The following MAN1C1 variants were observed in gnomAD, a reference collection of about 807,000 sequenced individuals.
MAN1C1 encodes mannosidase alpha class 1C member 1.
In MAN1C1, 49 loss-of-function variants were observed where a neutral mutation model predicts 71.5. That is an observed-to-expected ratio of 0.69 (90% confidence interval 0.54 to 0.87). The LOEUF is 0.87. MAN1C1 is among the 40% of genes least tolerant of loss of function. The pLI, the probability that MAN1C1 is intolerant of heterozygous loss-of-function variation, is 0.00. For missense variants in MAN1C1, 743 were observed against 835.0 expected, an observed-to-expected ratio of 0.89 and a Z score of 1.36; for synonymous variants, 352 against 343.7, an observed-to-expected ratio of 1.02 and a Z score of -0.27.
intron 1 of MAN1C1, among the ~76,000 whole-genome samples, chr1:25,629,933 C>T (rs999145437): frequency 3.3e-5 from 5 of 151,962 alleles, no homozygotes; most frequent in Admixed American, 1.3e-4. Context: ...TTATTGCATT[C>T]GCTTTTGGGG....
At chr1:25,702,920 A>G (rs1046041012) in intron 2 of MAN1C1, among the ~76,000 whole-genome samples, 1 of 152,074 alleles carries the variant, frequency 6.6e-6, no homozygotes, top group African/African-American at 2.4e-5. Flanking sequence ...CTTCCCTGGG[A>G]CTCAGACTCT....
chr1:25,701,683 A>G (rs1421608808), intron 2 of MAN1C1, among the ~76,000 whole-genome samples: 1 of 152,212 alleles, frequency 6.6e-6, no homozygotes, highest in African/African-American at 2.4e-5. Context: ...TGTGTGTGCC[A>G]TTGATTCAAA....
At chr1:25,729,342 C>A (rs1400545461) in intron 2 of MAN1C1, among the ~76,000 whole-genome samples, 1 of 152,232 alleles carries the variant, frequency 6.6e-6, no homozygotes, top group Non-Finnish European at 1.5e-5. Flanking sequence ...CATGAGGCTT[C>A]CTGAGCAGAG....
At chr1:25,663,208 AAAAT>A (rs200892680) in intron 1 of MAN1C1, among the ~76,000 whole-genome samples, 21 of 148,756 alleles carry the variant, frequency 1.4e-4, no homozygotes, top group South Asian at 2.1e-4. Flanking sequence ...ACGTATATTT[AAAAT>A]AAATAAATAA....
intron 3 of MAN1C1, among the ~76,000 whole-genome samples, chr1:25,748,160 G>A (rs1447307398): frequency 1.3e-5 from 2 of 152,150 alleles, no homozygotes; most frequent in Non-Finnish European, 2.9e-5. Flanking sequence ...AGGAGCTGGG[G>A]GACACTCAGG....
At chr1:25,694,796 A>T (rs942195279) in intron 2 of MAN1C1, among the ~76,000 whole-genome samples, 2 of 152,196 alleles carry the variant, frequency 1.3e-5, no homozygotes, top group African/African-American at 2.4e-5. Flanking sequence ...CTTCCCTAGT[A>T]CGTGGATCTC....
At chr1:25,717,528 CAG>C (rs1244600387) in intron 2 of MAN1C1, among the ~76,000 whole-genome samples, 3 of 151,260 alleles carry the variant, frequency 2.0e-5, no homozygotes, top group African/African-American at 7.3e-5. Context: ...GTTTCAAAAA[CAG>C]AGAATTTGCC....
intron 4 of MAN1C1, among the ~76,000 whole-genome samples, chr1:25,752,748 G>C (rs984286140): frequency 1.3e-5 from 2 of 152,240 alleles, no homozygotes; most frequent in Non-Finnish European, 2.9e-5. Context: ...GTGAGGCCTG[G>C]GACCTCGCTG....
intron 1 of MAN1C1, among the ~76,000 whole-genome samples, chr1:25,677,516 A>G (rs2046086289): frequency 6.6e-6 from 1 of 151,972 alleles, no homozygotes; most frequent in Non-Finnish European, 1.5e-5. Flanking sequence ...CATAGTTCTC[A>G]TGTTGATTGG....
chr1:25,659,754 T>G (rs2045820084), intron 1 of MAN1C1, among the ~76,000 whole-genome samples: 1 of 152,162 alleles, frequency 6.6e-6, no homozygotes, highest in African/African-American at 2.4e-5. Context: ...TTTTCAGAAA[T>G]GTTGTGTGCC....
At chr1:25,729,312 T>C (rs2046877213) in intron 2 of MAN1C1, among the ~76,000 whole-genome samples, 1 of 152,204 alleles carries the variant, frequency 6.6e-6, no homozygotes, top group African/African-American at 2.4e-5. Context: ...CTGCTCATCC[T>C]TCCCGATCCA....
chr1:25,747,874 G>C (rs943441077), intron 3 of MAN1C1, among the ~76,000 whole-genome samples: 2 of 152,222 alleles, frequency 1.3e-5, no homozygotes, highest in African/African-American at 2.4e-5. Context: ...ATACAGTGGA[G>C]AGTTGTAACC....
At chr1:25,754,471 G>A (rs542782541) in intron 5 of MAN1C1, among the ~76,000 whole-genome samples, 3 of 152,004 alleles carry the variant, frequency 2.0e-5, no homozygotes, top group East Asian at 3.9e-4. Flanking sequence ...TTCGTCAACT[G>A]TCCTCCCCTG....
rs2047516689 is a variant in MAN1C1 at position 25,769,456 on chromosome 1, GC to G, written c.1142-2197del. 6.6e-6 allele frequency among the ~76,000 whole-genome samples: 1 copy of G among 152,040 alleles called. No individual in the cohort carries two copies. The highest frequency in any genetic ancestry group is 6.5e-5 in the Admixed American group (1 of 15,272). On this transcript the variant is annotated intron_variant, in intron 7 of 11. Transcript: ENST00000374332. The surrounding 1 kb of genome is among the most constrained non-coding windows in gnomAD (Gnocchi z 4.8). ...TCACATGTGAGATGCCCACATAAGT[GC>G]CCCTGAGAGGCAGCTGCATCTCAAC... is the stretch of plus-strand genomic sequence containing the variant.
At chr1:25,643,421 A>ATTTTTTTTTTTT (rs11326338) in intron 1 of MAN1C1, among the ~76,000 whole-genome samples, 2 of 115,456 alleles carry the variant, frequency 1.7e-5, no homozygotes. Context: ...CGCCTGGCTA[A>ATTTTTTTTTTTT]TTTTTTTTTT....
At chr1:25,742,085 G>T (rs2047070188) in intron 2 of MAN1C1, among the ~76,000 whole-genome samples, 1 of 152,216 alleles carries the variant, frequency 6.6e-6, no homozygotes, top group Non-Finnish European at 1.5e-5. Flanking sequence ...GCAAGAAGAG[G>T]TTAGCTAGTG....
At chr1:25,684,046 T>A (rs756319662) in intron 1 of MAN1C1, among the ~76,000 whole-genome samples, 31 of 152,144 alleles carry the variant, frequency 2.0e-4, no homozygotes, top group Middle Eastern at 3.2e-3. Context: ...TACCTATGAT[T>A]CTCGTAGTTA....
chr1:25,748,709 T>A (rs900726080), intron 3 of MAN1C1, among the ~76,000 whole-genome samples: 19 of 152,236 alleles, frequency 1.2e-4, no homozygotes, highest in African/African-American at 4.6e-4. Flanking sequence ...AGTGTGGGCA[T>A]GCCCTGTGCG....
chr1:25,781,294 A>C, intron 10 of MAN1C1, 182 bp downstream of exon 10: 1 of 645,786 alleles, frequency 1.5e-6, no homozygotes, highest in Non-Finnish European at 2.7e-6. Flanking sequence ...CAGCTGGGCA[A>C]AGTTGTCCTG....
Sources: allele counts gnomAD v4.1 joint callset (sites outside exome capture counted in the v4.1 genomes callset), GRCh38; gene constraint gnomAD v4.1.1; non-coding constraint Gnocchi (gnomAD v3.1); transcripts MANE v1.5; gene names NCBI Gene and HGNC (gene_info 2026-07-23, HGNC 2026-07-21).